The following ARFGEF1 variants were observed in gnomAD, a reference collection of about 807,000 sequenced individuals.
The protein encoded by ARFGEF1 is brefeldin A-inhibited guanine nucleotide-exchange protein 1.
ARFGEF1 carries 42 observed loss-of-function variants against 231.0 expected under a neutral mutation model. The observed-to-expected ratio is 0.18, with a 90% CI of 0.14 to 0.24. ARFGEF1 has a LOEUF of 0.24. ARFGEF1 is among the 10% of genes least tolerant of loss of function. The probability of loss-of-function intolerance (pLI) is 1.00; values close to 1 mark genes in which losing one functional copy is unlikely to be tolerated. For missense variants in ARFGEF1, 1,345 were observed against 2,192.0 expected (o/e 0.61, Z 7.72); for synonymous variants, 710 against 732.3 (o/e 0.97, Z 0.49).
At chr8:67,302,842 A>G (rs1451989309) in intron 1 of ARFGEF1, among the ~76,000 whole-genome samples, 2 of 150,966 alleles carry the variant, frequency 1.3e-5, no homozygotes, top group East Asian at 2.0e-4. Context: ...TGGGAGGCCA[A>G]CGCAGGAGGA....
chr8:67,266,325 T>A (rs891844847), intron 13 of ARFGEF1, 118 bp from the exon 14 acceptor site: 27 of 722,168 alleles, frequency 3.7e-5, no homozygotes, highest in Non-Finnish European at 5.0e-5. Flanking sequence ...ATCTATTTAA[T>A]ACAAAATAAC....
At chr8:67,210,011 T>C (rs1838668579) in intron 34 of ARFGEF1, among the ~76,000 whole-genome samples, 1 of 150,886 alleles carries the variant, frequency 6.6e-6, no homozygotes, top group African/African-American at 2.4e-5. Flanking sequence ...AAAAATTAAT[T>C]GGGTATGGTG....
intron 5 of ARFGEF1, chr8:67,179,901 A>G: frequency 6.3e-7 from 1 of 1,586,614 alleles, no homozygotes. Context: ...AAAACTCATT[A>G]TTGGAATCTG....
chr8:67,302,745 C>T (rs985688215), intron 1 of ARFGEF1, among the ~76,000 whole-genome samples: 1 of 151,728 alleles, frequency 6.6e-6, no homozygotes, highest in Non-Finnish European at 1.5e-5. Context: ...TTTCCTTTTT[C>T]GTCAAGTAAC....
chr8:67,213,832 C>A (rs542043500), intron 33 of ARFGEF1, among the ~76,000 whole-genome samples: 2 of 152,234 alleles, frequency 1.3e-5, no homozygotes, highest in Non-Finnish European at 2.9e-5. Context: ...AGCCTGCCTG[C>A]CTGCCCTACA....
At chr8:67,205,846 A>T (rs2129577475) in intron 34 of ARFGEF1, among the ~76,000 whole-genome samples, 1 of 151,948 alleles carries the variant, frequency 6.6e-6, no homozygotes, top group East Asian at 1.9e-4. Flanking sequence ...CAAGAGAGAG[A>T]GACTCCGTCT....
intron 1 of ARFGEF1, among the ~76,000 whole-genome samples, chr8:67,326,406 T>A (rs1434029291): frequency 2.0e-5 from 3 of 152,186 alleles, no homozygotes; most frequent in Admixed American, 2.0e-4. Flanking sequence ...TCTACAAACA[T>A]TAAAACAACC....
At position 67,203,127 on chromosome 8, in the gene ARFGEF1, G is replaced by T. The variant is rs140098688; in HGVS notation, c.5084C>A (p.Ala1695Glu). 2.5e-6 allele frequency: 4 copies of T among 1,613,914 alleles called. No homozygotes were observed. In the African/African-American group the frequency reaches 5.3e-5, roughly 22 times the overall value. The change falls in exon 36 of 39, where the codon GCG (alanine) becomes GAG (glutamate). Residue 1695 changes from alanine to glutamate, a missense_variant. Around this residue, in one of 14 missense-constraint regions of ARFGEF1, gnomAD observed 161 missense variants for 284.9 expected, o/e 0.57. Transcript: ENST00000262215. ...CLLESHRFAK[A>E]FNSNNEQRTA... is the part of the protein sequence containing the mutation. ...CCTCTGTTCGTTGTTGGAATTAAAC[G>T]CTTTTGCAAATCTATGTGACTCTAA...
rs200434355 is a variant in ARFGEF1, at chr8:67,300,660, CAAAAAAAAAAAA to C, written c.312+552_312+563del. 1.6e-4 allele frequency among the ~76,000 whole-genome samples: 14 copies of C among 88,664 alleles called. No homozygotes were observed. The South Asian group carries it at 2.3e-3, about 14-fold the overall frequency. The allele number at this position is 88,664 out of a possible 152,430, so 58.2% of individuals were successfully genotyped here. On this transcript the variant is annotated intron_variant, in intron 3 of 38. Coordinates refer to ENST00000262215, the MANE Select transcript of ARFGEF1 (RefSeq NM_006421.5). ...CAACATGGTGAAACTCTTGTCTCTT[CAAAAAAAAAAAA>C]AAAAAAAAAAAAAATACAAAAATTA...
At chr8:67,251,247 G>T in intron 19 of ARFGEF1, 52 bp downstream of exon 19, 1 of 1,461,400 alleles carries the variant, frequency 6.8e-7, no homozygotes, top group Non-Finnish European at 9.1e-7. Flanking sequence ...TATTATAAAT[G>T]TAGTTATATA....
intron 1 of ARFGEF1, among the ~76,000 whole-genome samples, chr8:67,337,932 A>T (rs1808423025): frequency 6.6e-6 from 1 of 152,210 alleles, no homozygotes. Context: ...TTCAACAAAT[A>T]TCTGATTGAA....
At chr8:67,329,488 C>T (rs1375140378) in intron 1 of ARFGEF1, among the ~76,000 whole-genome samples, 1 of 151,232 alleles carries the variant, frequency 6.6e-6, no homozygotes, top group Non-Finnish European at 1.5e-5. Flanking sequence ...GAGATTGTGC[C>T]ACTGCACTCC....
In ARFGEF1 at chr8:67,277,270, C is replaced by T; in HGVS notation, c.1203+12G>A. The stretch of plus-strand genomic sequence containing the variant: ...ACAGGATTTCTCCCCCTCCCCACCC[C>T]TCCATTTATACCTGAGTATCATTGG... On this transcript the variant is annotated intron_variant, in intron 8 of 38. Coordinates refer to ENST00000262215, the MANE Select transcript of ARFGEF1 (RefSeq NM_006421.5). The T allele has an allele frequency of 1.1e-5, 17 of 1,612,106 alleles. No individual in the cohort carries two copies. The highest frequency in any genetic ancestry group is 1.4e-5 in the Non-Finnish European group (17 of 1,178,824).
chr8:67,343,032 G>A (rs965850166), intron 1 of ARFGEF1, 132 bp downstream of exon 1: 4 of 1,061,750 alleles, frequency 3.8e-6, no homozygotes, highest in East Asian at 2.6e-5. Context: ...GGGAACAGAG[G>A]GCTCCGCGAG....
chr8:67,284,347 A>C (rs1563888344), intron 7 of ARFGEF1, among the ~76,000 whole-genome samples: 1 of 152,170 alleles, frequency 6.6e-6, no homozygotes, highest in Non-Finnish European at 1.5e-5. Flanking sequence ...ATAAACTAAA[A>C]GCTAGTGAAA....
intron 38 of ARFGEF1, 181 bp downstream of exon 38, chr8:67,200,215 G>T: frequency 1.5e-6 from 1 of 663,158 alleles, no homozygotes; most frequent in Non-Finnish European, 2.8e-6. Flanking sequence ...GGGTAAGGGG[G>T]GAGAAAAGCA....
intron 1 of ARFGEF1, among the ~76,000 whole-genome samples, chr8:67,322,247 A>T (rs1412305069): frequency 6.6e-6 from 1 of 152,110 alleles, no homozygotes; most frequent in Non-Finnish European, 1.5e-5. Flanking sequence ...CCTGCTGTAC[A>T]CTTAAGTCTC....
At chr8:67,225,978 G>A in intron 28 of ARFGEF1, 45 bp downstream of exon 28, 1 of 1,496,856 alleles carries the variant, frequency 6.7e-7, no homozygotes, top group Non-Finnish European at 9.0e-7. Flanking sequence ...ATTTCAAATT[G>A]GAAAGAATAC....
At chr8:67,212,175 T>C (rs1449753008) in intron 33 of ARFGEF1, among the ~76,000 whole-genome samples, 1 of 152,058 alleles carries the variant, frequency 6.6e-6, no homozygotes, top group East Asian at 1.9e-4. Context: ...CTCTACCTCC[T>C]GGGTTCAAGC....
Sources: allele counts gnomAD v4.1 joint callset (sites outside exome capture counted in the v4.1 genomes callset), GRCh38; gene constraint gnomAD v4.1.1; regional missense constraint gnomAD v4.1.1; transcripts MANE v1.5; gene names NCBI Gene and HGNC (gene_info 2026-07-23, HGNC 2026-07-21).